The following VIPR2 variants were observed in gnomAD, a reference collection of about 807,000 sequenced individuals.
The protein encoded by VIPR2 is vasoactive intestinal polypeptide receptor 2.
In VIPR2, 48 loss-of-function variants were observed where a neutral mutation model predicts 58.0. The observed-to-expected ratio is 0.83, with a 90% CI of 0.66 to 1.05. The LOEUF (loss-of-function observed/expected upper bound fraction) is 1.05, where lower values mean the gene tolerates loss of function less well. Ranked by LOEUF, VIPR2 falls within the 50% of genes least tolerant of loss-of-function variation. VIPR2 has a pLI of 0.00. For missense variants in VIPR2, 534 were observed against 558.0 expected (o/e 0.96, Z 0.43); for synonymous variants, 243 against 235.2 (o/e 1.03, Z -0.30).
rs754084023 is a variant in VIPR2 at position 159,096,917 on chromosome 7, G to A, written c.357+6840C>T. Reference sequence around the variant, plus strand: ...CTTGCTGTCCCCGTTCCCATCACTCGATGAGCCAATGCCCTCGTGGCTGGC... The same window carrying A: ...CTTGCTGTCCCCGTTCCCATCACTCAATGAGCCAATGCCCTCGTGGCTGGC... On this transcript the variant is annotated intron_variant, in intron 4 of 12. Coordinates refer to ENST00000262178, the MANE Select transcript of VIPR2 (RefSeq NM_003382.5). The surrounding 1 kb of genome is among the most constrained non-coding windows in gnomAD (Gnocchi z 5.5). 5.2e-6 allele frequency: 8 copies of A among 1,550,644 alleles called. No homozygotes were observed. In the Admixed American group the frequency reaches 5.9e-5, roughly 11 times the overall value.
chr7:159,072,382 T>A (rs1856452508), intron 4 of VIPR2, among the ~76,000 whole-genome samples: 1 of 152,164 alleles, frequency 6.6e-6, no homozygotes, highest in South Asian at 2.1e-4. Flanking sequence ...AAATTAAAAC[T>A]AGAAAAACAG....
At chr7:159,063,501 C>T (rs1485893115) in intron 4 of VIPR2, among the ~76,000 whole-genome samples, 1 of 151,976 alleles carries the variant, frequency 6.6e-6, no homozygotes, top group Non-Finnish European at 1.5e-5. Context: ...CGGTTCCCGC[C>T]CGCGCCTCTC....
intron 4 of VIPR2, among the ~76,000 whole-genome samples, chr7:159,078,942 C>T (rs1294397482): frequency 6.6e-6 from 1 of 152,118 alleles, no homozygotes; most frequent in Non-Finnish European, 1.5e-5. Context: ...GGTGTTGTAT[C>T]CGCTCCAGTG....
In VIPR2 at chr7:159,036,806, C is replaced by T; in HGVS notation, c.694G>A (p.Val232Met). 2 of 1,613,880 alleles carry T rather than the reference C, an allele frequency of 1.2e-6. No homozygotes were observed. The highest frequency in any genetic ancestry group is 2.2e-5 in the South Asian group (2 of 91,060). Residue 232 changes from valine (V) to methionine (M), a missense_variant, in exon 7 of 13, where the codon GTG becomes ATG. By Grantham distance (21) the Val-to-Met change is conservative (BLOSUM62 1). Around this residue, in one of 3 missense-constraint regions of VIPR2, gnomAD observed 306 missense variants for 285.8 expected, o/e 1.07. Transcript: ENST00000262178. Reference protein sequence around the residue: ...VEGLYLHTLLVAMLPPRRCFL... With the variant: ...VEGLYLHTLLMAMLPPRRCFL... ...CACCTTCTAGGGGGGAGCATGGCCA[C>T]CAGGAGGGTGTGGAGGTAGAGCCCC...
At position 159,077,336 on chromosome 7, in the gene VIPR2, T is replaced by C. The variant is rs13438234; in HGVS notation, c.358-18758A>G. On this transcript the variant is annotated intron_variant, in intron 4 of 12. Transcript: ENST00000262178. ...AGCCCTGTTCAATGTCTTTGAGGTA[T>C]TATAGTGTACCTGTTATCAGATTCT... 2.9e-3 allele frequency among the ~76,000 whole-genome samples: 396 copies of C among 137,658 alleles called. 1 individual carries two copies. The highest frequency in any genetic ancestry group is 0.011 in the African/African-American group (368 of 32,942). 90.3% of individuals were successfully genotyped at this position (137,658 alleles called of 152,430 possible).
intron 2 of VIPR2, among the ~76,000 whole-genome samples, chr7:159,119,878 G>T (rs1430337951): frequency 6.6e-6 from 1 of 151,156 alleles, no homozygotes; most frequent in Non-Finnish European, 1.5e-5. Flanking sequence ...AGCCTGGTAG[G>T]TGGGGTTGGA....
At chr7:159,070,537 TG>T in intron 4 of VIPR2, among the ~76,000 whole-genome samples, 1 of 152,294 alleles carries the variant, frequency 6.6e-6, no homozygotes, top group South Asian at 2.1e-4. Context: ...AGGACATTCA[TG>T]GACGCTTAAT....
chr7:159,109,608 C>T (rs1412770689), intron 3 of VIPR2, among the ~76,000 whole-genome samples: 1 of 152,208 alleles, frequency 6.6e-6, no homozygotes, highest in Non-Finnish European at 1.5e-5. Flanking sequence ...TTGCCCTGCT[C>T]TCTGGGGTTT....
intron 2 of VIPR2, among the ~76,000 whole-genome samples, chr7:159,113,290 G>A (rs1286687036): frequency 6.6e-6 from 1 of 150,480 alleles, no homozygotes; most frequent in African/African-American, 2.5e-5. Flanking sequence ...AAACTTCCCG[G>A]TCTGTTCTGT....
chr7:159,120,869 G>C (rs1796428441), intron 2 of VIPR2, among the ~76,000 whole-genome samples: 1 of 152,118 alleles, frequency 6.6e-6, no homozygotes, highest in African/African-American at 2.4e-5. Flanking sequence ...CTAGTCTAAG[G>C]TATGATTTGG....
chr7:159,053,591 G>T (rs955397742), intron 5 of VIPR2, among the ~76,000 whole-genome samples: 1 of 152,148 alleles, frequency 6.6e-6, no homozygotes, highest in African/African-American at 2.4e-5. Flanking sequence ...GCCCAGGCTG[G>T]AGTGCAGTGG....
intron 4 of VIPR2, among the ~76,000 whole-genome samples, chr7:159,075,092 T>A (rs1001570938): frequency 4.6e-5 from 7 of 152,206 alleles, no homozygotes; most frequent in Non-Finnish European, 8.8e-5. Context: ...TTAGACTACA[T>A]GACTACATGT....
chr7:159,111,780 G>A (rs1380420713), intron 2 of VIPR2, among the ~76,000 whole-genome samples: 4 of 152,272 alleles, frequency 2.6e-5, no homozygotes, highest in South Asian at 4.1e-4. Context: ...AGGCTGAGGC[G>A]GGATAATCCC....
rs1316767005 is a variant in VIPR2 at position 159,090,282 on chromosome 7, ACG to A, written c.357+13473_357+13474del. 5.0e-5 allele frequency among the ~76,000 whole-genome samples: 5 copies of A among 100,208 alleles called. 1 individual carries two copies. Among genetic ancestry groups the A allele is most frequent in the Admixed American group, 1.9e-4 (2 of 10,764 alleles). 65.7% of individuals were successfully genotyped at this position (100,208 alleles called of 152,430 possible). ...ACCTCAGCACAGACATGCTGGGACC[ACG>A]CACAGGGGCCACCTCCTGCGACCAC... On this transcript the variant is annotated intron_variant, in intron 4 of 12. Transcript: ENST00000262178.
intron 4 of VIPR2, chr7:159,059,097 C>T: frequency 1.3e-5 from 5 of 376,244 alleles, no homozygotes; most frequent in Non-Finnish European, 2.1e-5. Flanking sequence ...CTTAACATTT[C>T]TTGGTTTAGC....
intron 2 of VIPR2, chr7:159,117,082 G>A (rs754802967): frequency 2.2e-5 from 11 of 495,152 alleles, no homozygotes; most frequent in Admixed American, 3.5e-5. Context: ...TGAAGAAGGC[G>A]AGAGCCCCTG....
In VIPR2 at chr7:159,117,294, T is replaced by G. The variant is rs140005895; in HGVS notation, c.152-7375A>C. On this transcript the variant is annotated intron_variant, in intron 2 of 12. Transcript: ENST00000262178. ...ACGAGGCTTCCTGTGACTTAATTTC[T>G]CAATGATTTTGTAATTATAAAAGCA... 3.7e-4 allele frequency: 268 copies of G among 717,434 alleles called. No individual in the cohort carries two copies. In the African/African-American group the frequency reaches 4.3e-3, roughly 12 times the overall value. The allele number at this position is 717,434 out of a possible 1,614,324, so 44.4% of individuals were successfully genotyped here. A position where few individuals can be genotyped will look rare whatever the true frequency, so the allele number is the denominator to read the frequency against.
chr7:159,070,231 C>T (rs1170246703), intron 4 of VIPR2, among the ~76,000 whole-genome samples: 1 of 152,068 alleles, frequency 6.6e-6, no homozygotes, highest in South Asian at 2.1e-4. Flanking sequence ...TCCTGCTGTC[C>T]CGGGGTCAGA....
At chr7:159,064,720 A>G (rs1176721985) in intron 4 of VIPR2, among the ~76,000 whole-genome samples, 4 of 152,168 alleles carry the variant, frequency 2.6e-5, no homozygotes, top group South Asian at 2.1e-4. Flanking sequence ...AGGCGCATCC[A>G]GGGCCGTCTG....
Sources: allele counts gnomAD v4.1 joint callset (sites outside exome capture counted in the v4.1 genomes callset), GRCh38; gene constraint gnomAD v4.1.1; regional missense constraint gnomAD v4.1.1; non-coding constraint Gnocchi (gnomAD v3.1); transcripts MANE v1.5; gene names NCBI Gene and HGNC (gene_info 2026-07-23, HGNC 2026-07-21).